The following CENPL variants were observed in gnomAD, a reference collection of about 807,000 sequenced individuals.
The protein encoded by CENPL is centromere protein L, also known as interphase centromere complex protein 33.
A neutral mutation model predicts 35.2 loss-of-function variants in CENPL; 20 were observed. That is an observed-to-expected ratio of 0.57 (90% confidence interval 0.40 to 0.83). The LOEUF (loss-of-function observed/expected upper bound fraction) is 0.83, where lower values mean the gene tolerates loss of function less well. CENPL is among the 40% of genes least tolerant of loss of function. The pLI is 0.00. For missense variants in CENPL, 363 were observed against 395.8 expected (o/e 0.92, Z 0.70); for synonymous variants, 140 against 140.6 (o/e 1.00, Z 0.03).
chr1:173,811,826 G>A (rs538135054), intron 2 of CENPL, among the ~76,000 whole-genome samples: 1 of 152,362 alleles, frequency 6.6e-6, no homozygotes, highest in East Asian at 1.9e-4. Flanking sequence ...GACAGTGGGT[G>A]CAGCCCATGG....
At position 173,803,515 on chromosome 1, in the gene CENPL, A is replaced by C; in HGVS notation, c.421-10T>G. Reference sequence around the variant, plus strand: ...GAGATTTTGACACAATCTACAAAGAAAGTAAACAGGCTCCTTAAATTCAAA... The same window carrying C: ...GAGATTTTGACACAATCTACAAAGACAGTAAACAGGCTCCTTAAATTCAAA... On this transcript the variant is annotated splice_polypyrimidine_tract_variant and intron_variant, in intron 4 of 5. Coordinates refer to ENST00000682279, the MANE Select transcript of CENPL (RefSeq NM_001387287.1). 1.9e-6 allele frequency: 3 copies of C among 1,544,582 alleles called. No individual in the cohort carries two copies. The highest frequency in any genetic ancestry group is 2.6e-6 in the Non-Finnish European group (3 of 1,145,676).
intron 2 of CENPL, among the ~76,000 whole-genome samples, chr1:173,812,358 G>A (rs889447030): frequency 3.9e-5 from 6 of 152,260 alleles, no homozygotes; most frequent in African/African-American, 1.4e-4. Flanking sequence ...CAGACAGACT[G>A]CCTCCTCAAG....
chr1:173,809,822 T>C (rs1025705928), intron 3 of CENPL, among the ~76,000 whole-genome samples: 2 of 151,892 alleles, frequency 1.3e-5, no homozygotes, highest in African/African-American at 4.8e-5. Context: ...CAACAGATGC[T>C]GGTGAGGTTG....
At chr1:173,808,463 A>C (rs1459989899) in intron 3 of CENPL, 1 of 152,044 alleles carries the variant, frequency 6.6e-6, no homozygotes, top group Non-Finnish European at 1.5e-5. Flanking sequence ...GCCCAATTCA[A>C]TAGATTAAAT....
intron 2 of CENPL, chr1:173,822,072 A>C (rs1164844484): frequency 1.3e-5 from 2 of 152,148 alleles, no homozygotes; most frequent in Admixed American, 6.5e-5. Context: ...ATTTGTGTTT[A>C]AATCCAATTC....
intron 2 of CENPL, among the ~76,000 whole-genome samples, chr1:173,811,661 A>G (rs992104420): frequency 6.6e-6 from 1 of 152,204 alleles, no homozygotes; most frequent in Non-Finnish European, 1.5e-5. Context: ...AGCACATTCT[A>G]CTGAATTTTT....
Position 173,807,403 on chromosome 1 carries a change from A to T in CENPL, c.284T>A (p.Leu95His), listed in dbSNP as rs1416115548. 2 of 1,613,326 alleles carry T rather than the reference A, an allele frequency of 1.2e-6. No individual in the cohort carries two copies. Among genetic ancestry groups the T allele is most frequent in the South Asian group, 2.2e-5 (2 of 91,000 alleles). Reference sequence around the variant, plus strand: ...CTTTTCAGCAACAATAAAAGCATTGAGAAGTCTAGAATACTCTTTGAGATT... The same window carrying T: ...CTTTTCAGCAACAATAAAAGCATTGTGAAGTCTAGAATACTCTTTGAGATT... ...YSNLKEYSRL[L>H]NAFIVAEKQK... The change falls in exon 4 of 6, where the codon CTC becomes CAC. Residue 95 changes from leucine (L) to histidine (H), a missense_variant. Physicochemically the swap from Leu to His is moderately conservative, Grantham distance 99. Transcript: ENST00000682279.
chr1:173,802,773 G>A (rs1649868322), intron 5 of CENPL, among the ~76,000 whole-genome samples, 190 bp downstream of exon 5: 1 of 152,098 alleles, frequency 6.6e-6, no homozygotes, highest in African/African-American at 2.4e-5. Flanking sequence ...AGCATATAGT[G>A]TCCTTCCATT....
At chr1:173,819,353 G>T (rs942112852) in intron 2 of CENPL, among the ~76,000 whole-genome samples, 1 of 152,244 alleles carries the variant, frequency 6.6e-6, no homozygotes, top group Non-Finnish European at 1.5e-5. Flanking sequence ...ACTTTGGGAG[G>T]CCGAGGAAAA....
intron 2 of CENPL, among the ~76,000 whole-genome samples, chr1:173,813,356 C>A (rs1322875772): frequency 6.6e-6 from 1 of 151,966 alleles, no homozygotes; most frequent in Non-Finnish European, 1.5e-5. Flanking sequence ...GAAGAGCAAC[C>A]CCAAGACACG....
intron 2 of CENPL, among the ~76,000 whole-genome samples, chr1:173,812,809 G>T (rs1650968018): frequency 6.6e-6 from 1 of 152,194 alleles, no homozygotes. Flanking sequence ...GAACAAAGCT[G>T]GATGGAGAAT....
chr1:173,815,272 T>TACCATTCCTTCTGAAACTATTCCAATCA (rs1651246475), intron 2 of CENPL, among the ~76,000 whole-genome samples: 1 of 152,210 alleles, frequency 6.6e-6, no homozygotes, highest in Non-Finnish European at 1.5e-5. Flanking sequence ...GAGGAGCTGG[T>TACCATTCCTTCTGAAACTATTCCAATCA]ACCATTCCTT....
intron 2 of CENPL, among the ~76,000 whole-genome samples, chr1:173,814,983 A>C (rs2102598724): frequency 6.6e-6 from 1 of 152,344 alleles, no homozygotes; most frequent in South Asian, 2.1e-4. Flanking sequence ...CATAGATGCA[A>C]TAAAAAATGC....
At chr1:173,822,033 A>C (rs1652002735) in intron 2 of CENPL, 1 of 152,010 alleles carries the variant, frequency 6.6e-6, no homozygotes, top group African/African-American at 2.4e-5. Flanking sequence ...TTCACTGCCA[A>C]GCATATTCTA....
At chr1:173,801,475 C>T (rs1649744415) in intron 5 of CENPL, among the ~76,000 whole-genome samples, 1 of 149,692 alleles carries the variant, frequency 6.7e-6, no homozygotes, top group South Asian at 2.1e-4. Flanking sequence ...GATCACACCA[C>T]TGCACACCAG....
chr1:173,815,808 T>G (rs1651312456), intron 2 of CENPL, among the ~76,000 whole-genome samples: 1 of 152,140 alleles, frequency 6.6e-6, no homozygotes, highest in Non-Finnish European at 1.5e-5. Flanking sequence ...ACCACTCCTA[T>G]TCAATATACT....
In CENPL at chr1:173,824,356, G is replaced by A. The variant is rs1652334750; in HGVS notation, c.-246C>T. 6.6e-6 allele frequency: 1 copy of A among 152,340 alleles called. No homozygotes were observed. Among genetic ancestry groups the A allele is most frequent in the African/African-American group, 2.4e-5 (1 of 41,470 alleles). The allele number at this position is 152,340 out of a possible 1,614,324, so 9.4% of individuals were successfully genotyped here. Reference sequence around the variant, plus strand: ...TCTGAAATCAAGCCGTTGAGAAAAGGGAATTCGGCCCTCCGCCGCCTCTTC... The same window carrying A: ...TCTGAAATCAAGCCGTTGAGAAAAGAGAATTCGGCCCTCCGCCGCCTCTTC... On this transcript the variant is annotated 5_prime_UTR_variant, in exon 1 of 6. Transcript: ENST00000682279.
In CENPL at chr1:173,806,695, G is replaced by A. The variant is rs560897092; in HGVS notation, c.420+572C>T. 1.5e-4 allele frequency: 26 copies of A among 172,736 alleles called. No individual in the cohort carries two copies. In the South Asian group the frequency reaches 2.1e-3, roughly 14 times the overall value. 10.7% of individuals were successfully genotyped at this position (172,736 alleles called of 1,614,324 possible). On this transcript the variant is annotated intron_variant, in intron 4 of 5. Transcript: ENST00000682279. ...AACCAGATTTATTTATTTATTTATTGTATTTTTTGTAGAAATGGCATCTTG... is the reference window on the plus strand; with the variant it reads ...AACCAGATTTATTTATTTATTTATTATATTTTTTGTAGAAATGGCATCTTG...
chr1:173,815,437 A>G (rs150277807), intron 2 of CENPL, among the ~76,000 whole-genome samples: 1,895 of 152,364 alleles, frequency 0.012, 39 homozygotes, highest in African/African-American at 0.041. Flanking sequence ...AAAATCCTCA[A>G]TAAAATACTG....
Sources: allele counts gnomAD v4.1 joint callset (sites outside exome capture counted in the v4.1 genomes callset), GRCh38; gene constraint gnomAD v4.1.1; transcripts MANE v1.5; gene names NCBI Gene and HGNC (gene_info 2026-07-23, HGNC 2026-07-21).